Variants in NCOA1 observed in about 807,000 individuals in gnomAD.
NCOA1 encodes the protein nuclear receptor coactivator 1.
Under a neutral mutation model 150.9 loss-of-function variants are expected in NCOA1, and 35 were observed. The ratio of observed to expected loss-of-function variants is 0.23; its 90% CI spans 0.18 to 0.31. NCOA1 has a LOEUF of 0.31. Among genes scored for constraint, NCOA1 ranks in the 10% least tolerant of loss-of-function variants. NCOA1 has a pLI of 1.00. For synonymous variants in NCOA1, 590 were observed against 630.0 expected, an observed-to-expected ratio of 0.94 and a Z score of 0.95; for missense variants, 1,491 against 1,749.3, an observed-to-expected ratio of 0.85 and a Z score of 2.63.
intron 7 of NCOA1, among the ~76,000 whole-genome samples, chr2:24,677,977 A>G (rs1335919288): frequency 6.6e-6 from 1 of 151,988 alleles, no homozygotes; most frequent in South Asian, 2.1e-4. Flanking sequence ...AGATCAACCC[A>G]TCACCTAGGT....
intron 1 of NCOA1, among the ~76,000 whole-genome samples, chr2:24,512,434 C>T (rs1165827526): frequency 6.6e-6 from 1 of 152,154 alleles, no homozygotes; most frequent in East Asian, 1.9e-4. Flanking sequence ...TCCACCGGTG[C>T]AGTAGGAGAA....
chr2:24,764,330 C>G (rs1319460973), intron 22 of NCOA1, among the ~76,000 whole-genome samples: 1 of 152,204 alleles, frequency 6.6e-6, no homozygotes, highest in Non-Finnish European at 1.5e-5. Context: ...TGCACCTAAA[C>G]TGTCATAAAA....
chr2:24,608,704 G>GTTTTTTTTT (rs56710627), intron 3 of NCOA1, among the ~76,000 whole-genome samples: 82 of 117,298 alleles, frequency 7.0e-4, no homozygotes, highest in Middle Eastern at 4.3e-3. Context: ...TTGTTGTTGT[G>GTTTTTTTTT]TTTTTTTTTT....
intron 11 of NCOA1, among the ~76,000 whole-genome samples, chr2:24,702,348 A>C (rs563733260): frequency 5.3e-5 from 8 of 152,234 alleles, no homozygotes; most frequent in Non-Finnish European, 1.2e-4. Context: ...CTTTTTCTGC[A>C]TATATTTAGG....
intron 1 of NCOA1, among the ~76,000 whole-genome samples, chr2:24,516,349 C>A (rs972240153): frequency 5.9e-5 from 9 of 151,598 alleles, no homozygotes; most frequent in African/African-American, 2.4e-5. Context: ...CCCGCTACCA[C>A]GCCTGGCTAA....
chr2:24,508,997 G>C (rs1008848864), intron 1 of NCOA1, among the ~76,000 whole-genome samples: 11 of 152,190 alleles, frequency 7.2e-5, no homozygotes, highest in African/African-American at 2.7e-4. Flanking sequence ...GACTCCTGGT[G>C]TGACCACTTG....
chr2:24,754,144 C>T (rs186286026), intron 20 of NCOA1, among the ~76,000 whole-genome samples: 1 of 152,242 alleles, frequency 6.6e-6, no homozygotes, highest in East Asian at 1.9e-4. Context: ...TAATGCAAGC[C>T]ACAATCATCT....
At chr2:24,599,315 G>A (rs1668010807) in intron 3 of NCOA1, among the ~76,000 whole-genome samples, 1 of 152,090 alleles carries the variant, frequency 6.6e-6, no homozygotes, top group African/African-American at 2.4e-5. Context: ...TTCCTATTAA[G>A]GGATGTTATT....
At position 24,646,028 on chromosome 2, in the gene NCOA1, A is replaced by G. The variant is rs150623538; in HGVS notation, c.-18+1906A>G. Among the ~76,000 whole-genome samples, 89 of 152,328 alleles carry G rather than the reference A, an allele frequency of 5.8e-4. 1 individual carries two copies. Among genetic ancestry groups the G allele is most frequent in the African/African-American group, 2.0e-3 (84 of 41,574 alleles). Reference sequence around the variant, plus strand: ...GAGGAGAAAATTGATAGAATAATGCAGTGACTGAACATTAGCTTGGTGTCT... The same window carrying G: ...GAGGAGAAAATTGATAGAATAATGCGGTGACTGAACATTAGCTTGGTGTCT... On this transcript the variant is annotated intron_variant, in intron 4 of 22. Coordinates refer to ENST00000348332, the MANE Select transcript of NCOA1 (RefSeq NM_003743.5).
At chr2:24,531,774 A>G (rs886691887) in intron 1 of NCOA1, among the ~76,000 whole-genome samples, 1 of 152,208 alleles carries the variant, frequency 6.6e-6, no homozygotes, top group African/African-American at 2.4e-5. Context: ...TGTCCCTGCA[A>G]AGGACGTGAA....
chr2:24,572,409 T>C, intron 2 of NCOA1, among the ~76,000 whole-genome samples: 1 of 152,206 alleles, frequency 6.6e-6, no homozygotes, highest in Non-Finnish European at 1.5e-5. Context: ...AAATGTGACC[T>C]GTCCCAACTT....
chr2:24,754,091 T>G (rs1228036239), intron 20 of NCOA1, among the ~76,000 whole-genome samples: 3 of 152,176 alleles, frequency 2.0e-5, no homozygotes, highest in East Asian at 1.9e-4. Context: ...TCATGTCAGC[T>G]TCTTAGCACC....
At chr2:24,736,840 C>G (rs1383236775) in intron 17 of NCOA1, among the ~76,000 whole-genome samples, 2 of 152,128 alleles carry the variant, frequency 1.3e-5, no homozygotes, top group African/African-American at 4.8e-5. Flanking sequence ...CAGATATTGC[C>G]AGATGTCCCT....
intron 3 of NCOA1, among the ~76,000 whole-genome samples, chr2:24,621,763 C>T (rs200330288): frequency 9.9e-5 from 15 of 151,944 alleles, no homozygotes; most frequent in Non-Finnish European, 1.3e-4. Context: ...TACAGGCATG[C>T]GCCACCACGC....
At chr2:24,656,145 A>T (rs190879788) in intron 4 of NCOA1, among the ~76,000 whole-genome samples, 5 of 151,804 alleles carry the variant, frequency 3.3e-5, no homozygotes, top group Admixed American at 3.3e-4. Flanking sequence ...TGCATGCAGG[A>T]TATGAGAGAA....
chr2:24,590,065 T>C (rs55853223), intron 3 of NCOA1, among the ~76,000 whole-genome samples: 6,482 of 152,260 alleles, frequency 0.043, 208 homozygotes, highest in African/African-American at 0.093. Flanking sequence ...GGCCAGAAAA[T>C]ATTAGTGTCT....
At chr2:24,537,871 A>G (rs560071726) in intron 1 of NCOA1, among the ~76,000 whole-genome samples, 1 of 152,316 alleles carries the variant, frequency 6.6e-6, no homozygotes, top group East Asian at 1.9e-4. Context: ...TGTTAAAAAA[A>G]GAAAACTAAC....
chr2:24,557,655 A>T (rs1193458989), intron 1 of NCOA1, among the ~76,000 whole-genome samples: 1 of 151,964 alleles, frequency 6.6e-6, no homozygotes, highest in African/African-American at 2.4e-5. Context: ...GAATTATCTC[A>T]GGTATTATTA....
chr2:24,729,220 G>T (rs1050825053), intron 16 of NCOA1, among the ~76,000 whole-genome samples: 2 of 152,038 alleles, frequency 1.3e-5, no homozygotes, highest in African/African-American at 2.4e-5. Context: ...TGATTCTTAG[G>T]CTTTGCAATG....
Sources: allele counts gnomAD v4.1 joint callset (sites outside exome capture counted in the v4.1 genomes callset), GRCh38; gene constraint gnomAD v4.1.1; transcripts MANE v1.5; gene names NCBI Gene and HGNC (gene_info 2026-07-23, HGNC 2026-07-21).